ATRNL1: variants seen among roughly 807,000 people sequenced by gnomAD.
ATRNL1 encodes the protein attractin like 1, also known as attractin-like protein 1.
In ATRNL1, 95 loss-of-function variants were observed where a neutral mutation model predicts 182.7. That is an observed-to-expected ratio of 0.52 (90% CI 0.44 to 0.62). The LOEUF is 0.62. Among genes scored for constraint, ATRNL1 ranks in the 20% least tolerant of loss-of-function variants. ATRNL1 has a pLI of 0.00. For missense variants in ATRNL1, 1,471 were observed against 1,679.5 expected (o/e 0.88, Z 2.17); for synonymous variants, 576 against 568.3 (o/e 1.01, Z -0.19).
chr10:115,904,571 C>T (rs187312762), intron 28 of ATRNL1, among the ~76,000 whole-genome samples: 4 of 152,300 alleles, frequency 2.6e-5, no homozygotes, highest in African/African-American at 7.2e-5. Context: ...AAATTAGCTC[C>T]AAGACTATAC....
intron 28 of ATRNL1, among the ~76,000 whole-genome samples, chr10:115,890,027 C>A (rs1304466421): frequency 6.6e-6 from 1 of 152,162 alleles, no homozygotes; most frequent in Non-Finnish European, 1.5e-5. Context: ...AGTACCTTGT[C>A]ATTTCTTCCA....
At chr10:115,886,136 A>G (rs1951939378) in intron 28 of ATRNL1, among the ~76,000 whole-genome samples, 1 of 152,232 alleles carries the variant, frequency 6.6e-6, no homozygotes, top group African/African-American at 2.4e-5. Context: ...AGGACCTCAT[A>G]GTATGCAGGA....
chr10:115,614,033 C>T (rs1314651811), intron 26 of ATRNL1, among the ~76,000 whole-genome samples: 2 of 151,704 alleles, frequency 1.3e-5, no homozygotes, highest in African/African-American at 4.8e-5. Flanking sequence ...TTTAGTTCTG[C>T]TCTGATCTTT....
chr10:115,549,354 G>C, intron 25 of ATRNL1, 104 bp from the exon 26 acceptor site: 1 of 636,754 alleles, frequency 1.6e-6, no homozygotes. Flanking sequence ...CCTAGACAAA[G>C]TTATTACTTA....
intron 24 of ATRNL1, among the ~76,000 whole-genome samples, chr10:115,482,858 T>C (rs1186523790): frequency 6.6e-6 from 1 of 151,284 alleles, no homozygotes; most frequent in Non-Finnish European, 1.5e-5. Flanking sequence ...GTCTTAAATA[T>C]TCTTTGTTTT....
At chr10:115,200,989 C>A (rs1439620355) in intron 8 of ATRNL1, among the ~76,000 whole-genome samples, 2 of 151,116 alleles carry the variant, frequency 1.3e-5, no homozygotes, top group African/African-American at 4.9e-5. Flanking sequence ...TGATGATGAG[C>A]ATTTTTTCAT....
At position 115,241,671 on chromosome 10, in the gene ATRNL1, TC is replaced by T. The variant is rs781910442; in HGVS notation, c.1635del (p.Leu546Ter). 38 of 1,612,044 alleles carry T rather than the reference TC, an allele frequency of 2.4e-5. No homozygotes were observed. The highest frequency in any genetic ancestry group is 3.2e-5 in the Non-Finnish European group (38 of 1,178,644). ...IFGGNTHNDT[S>X]LSNGAKCFSA... is the part of the protein sequence containing the mutation. Reference sequence around the variant, plus strand: ...TGGAGGAAATACCCATAATGACACTTCCTTGAGTAACGGTGCAAAATGTTTT... The same window carrying T: ...TGGAGGAAATACCCATAATGACACTTCTTGAGTAACGGTGCAAAATGTTTT... On this transcript the variant is annotated frameshift_variant, in exon 10 of 29. Coordinates refer to ENST00000355044, the MANE Select transcript of ATRNL1 (RefSeq NM_207303.4). LOFTEE classifies it high-confidence loss of function.
intron 18 of ATRNL1, among the ~76,000 whole-genome samples, chr10:115,326,270 A>G (rs1275808377): frequency 6.6e-6 from 1 of 152,162 alleles, no homozygotes; most frequent in African/African-American, 2.4e-5. Context: ...AAAAATCACA[A>G]GCATTCTTAT....
At chr10:115,397,118 C>G (rs627748) in intron 20 of ATRNL1, among the ~76,000 whole-genome samples, 57,362 of 151,182 alleles carry the variant, frequency 0.38, 11,962 homozygotes, top group African/African-American at 0.56. Context: ...TTGCTATAAT[C>G]TGCTTATACC....
intron 24 of ATRNL1, among the ~76,000 whole-genome samples, chr10:115,510,892 C>G (rs1850353380): frequency 6.6e-6 from 1 of 151,836 alleles, no homozygotes. Context: ...TCACAGAAAC[C>G]TCTTTTGGGG....
intron 5 of ATRNL1, among the ~76,000 whole-genome samples, chr10:115,147,413 A>G (rs2143866824): frequency 6.6e-6 from 1 of 152,198 alleles, no homozygotes; most frequent in South Asian, 2.1e-4. Context: ...CCCATCCTGC[A>G]GGTTGTCTTT....
chr10:115,478,897 G>T (rs1410065629), intron 24 of ATRNL1, among the ~76,000 whole-genome samples: 1 of 151,334 alleles, frequency 6.6e-6, no homozygotes, highest in African/African-American at 2.4e-5. Flanking sequence ...ACTATCTCCT[G>T]TCCTTTCTTC....
chr10:115,433,692 T>C (rs1846268412), intron 21 of ATRNL1, among the ~76,000 whole-genome samples: 1 of 152,100 alleles, frequency 6.6e-6, no homozygotes, highest in Admixed American at 6.6e-5. Flanking sequence ...TCCAAAATGA[T>C]GGATAATAAA....
At chr10:115,628,165 G>GAA in intron 26 of ATRNL1, among the ~76,000 whole-genome samples, 1 of 148,846 alleles carries the variant, frequency 6.7e-6, no homozygotes, top group African/African-American at 2.5e-5. Context: ...AAAAAAGAAA[G>GAA]AAAAAAAAAG....
intron 27 of ATRNL1, among the ~76,000 whole-genome samples, chr10:115,769,966 A>G (rs1420126233): frequency 6.6e-6 from 1 of 152,140 alleles, no homozygotes; most frequent in Non-Finnish European, 1.5e-5. Context: ...ATTGACTTTG[A>G]AGCTAATGCA....
At chr10:115,457,002 C>T (rs1303805014) in intron 21 of ATRNL1, among the ~76,000 whole-genome samples, 2 of 152,084 alleles carry the variant, frequency 1.3e-5, no homozygotes, top group Non-Finnish European at 2.9e-5. Context: ...AGTGTTACAG[C>T]TCTTTTGTTC....
At chr10:115,544,221 A>G (rs947078418) in intron 25 of ATRNL1, among the ~76,000 whole-genome samples, 1 of 152,188 alleles carries the variant, frequency 6.6e-6, no homozygotes, top group Non-Finnish European at 1.5e-5. Flanking sequence ...AGCTAACTGG[A>G]ATACACAAAC....
intron 27 of ATRNL1, among the ~76,000 whole-genome samples, chr10:115,798,094 T>A (rs953347785): frequency 5.3e-5 from 8 of 152,096 alleles, no homozygotes; most frequent in Non-Finnish European, 1.0e-4. Flanking sequence ...ATTTTTTGTA[T>A]TTTTCGTAGA....
intron 26 of ATRNL1, among the ~76,000 whole-genome samples, chr10:115,661,935 C>A (rs1313662053): frequency 2.1e-5 from 3 of 144,258 alleles, no homozygotes; most frequent in Non-Finnish European, 3.0e-5. Flanking sequence ...CCCCTCCTCC[C>A]ACCCCACAAC....
Sources: allele counts gnomAD v4.1 joint callset (sites outside exome capture counted in the v4.1 genomes callset), GRCh38; gene constraint gnomAD v4.1.1; transcripts MANE v1.5; gene names NCBI Gene and HGNC (gene_info 2026-07-23, HGNC 2026-07-21).